THNSL2: variants seen among roughly 807,000 people sequenced by gnomAD.
THNSL2 encodes threonine synthase like 2.
In THNSL2, 34 loss-of-function variants were observed where a neutral mutation model predicts 40.0. The observed-to-expected ratio is 0.85, with a 90% CI of 0.65 to 1.13. The LOEUF is 1.13. Ranked by LOEUF, THNSL2 falls within the 50% of genes most tolerant of loss-of-function variation. THNSL2 has a pLI of 0.00. For synonymous variants in THNSL2, 241 were observed against 247.5 expected, an observed-to-expected ratio of 0.97 and a Z score of 0.25; for missense variants, 537 against 608.8, an observed-to-expected ratio of 0.88 and a Z score of 1.24.
intron 4 of THNSL2, chr2:88,176,993 C>T (rs1487769263): frequency 6.6e-6 from 1 of 152,204 alleles, no homozygotes; most frequent in Non-Finnish European, 1.5e-5. Flanking sequence ...TCTGTCCTGC[C>T]TCCTACTCCC....
At chr2:88,185,295 C>G (rs201472359) in intron 7 of THNSL2, 33 bp from the exon 8 acceptor site, 83 of 1,594,552 alleles carry the variant, frequency 5.2e-5, no homozygotes, top group East Asian at 3.8e-4. Flanking sequence ...ATCCCCCCCC[C>G]ACACCTCATC....
At chr2:88,174,947 G>C (rs1676754105) in intron 3 of THNSL2, 114 bp downstream of exon 3, 6 of 1,270,520 alleles carry the variant, frequency 4.7e-6, no homozygotes, top group South Asian at 2.9e-5. Context: ...TTCTTCCAGA[G>C]CAAGGTTCCT....
intron 7 of THNSL2, among the ~76,000 whole-genome samples, chr2:88,184,098 G>T (rs2104277214): frequency 6.6e-6 from 1 of 152,314 alleles, no homozygotes; most frequent in Admixed American, 6.5e-5. Flanking sequence ...TGTTTTCAAA[G>T]TTGGATGCAG....
chr2:88,173,066 G>T, intron 1 of THNSL2, 73 bp from the exon 2 acceptor site: 1 of 1,045,976 alleles, frequency 9.6e-7, no homozygotes, highest in Non-Finnish European at 1.4e-6. Context: ...GTGAGACTGT[G>T]TGTGCTTTGG....
intron 5 of THNSL2, among the ~76,000 whole-genome samples, chr2:88,180,680 ATATG>A (rs1468748847): frequency 1.3e-5 from 2 of 152,202 alleles, no homozygotes; most frequent in Non-Finnish European, 2.9e-5. Context: ...CGAAAGCACC[ATATG>A]TAAAACCTTC....
chr2:88,170,724 G>A (rs996553485), intron 1 of THNSL2, among the ~76,000 whole-genome samples: 1 of 152,116 alleles, frequency 6.6e-6, no homozygotes, highest in African/African-American at 2.4e-5. Context: ...TCAGGGGCTG[G>A]GAGTGGAATC....
intron 1 of THNSL2, 83 bp from the exon 2 acceptor site, chr2:88,173,054 CTG>C (rs1676522822): frequency 5.5e-6 from 5 of 911,698 alleles, no homozygotes; most frequent in Non-Finnish European, 6.6e-6. Flanking sequence ...TAGAGGCTAA[CTG>C]TGAGACTGTG....
At chr2:88,172,555 A>T (rs1676477130) in intron 1 of THNSL2, 3 of 151,810 alleles carry the variant, frequency 2.0e-5, no homozygotes, top group African/African-American at 7.3e-5. Flanking sequence ...TGCACGTTAG[A>T]CTCTCTTGAG....
chr2:88,173,682 G>A (rs572275311), intron 2 of THNSL2, among the ~76,000 whole-genome samples: 1 of 150,812 alleles, frequency 6.6e-6, no homozygotes, highest in African/African-American at 2.4e-5. Flanking sequence ...CATCTTGAGT[G>A]ACTTGAATGT....
chr2:88,182,602 G>T, intron 5 of THNSL2, 97 bp from the exon 6 acceptor site: 4 of 1,365,688 alleles, frequency 2.9e-6, no homozygotes, highest in Non-Finnish European at 3.9e-6. Context: ...GCTTCAAAAA[G>T]CACAAAAGTT....
Position 88,185,426 on chromosome 2 carries a change from C to T in THNSL2, c.1176C>T (p.His392=), listed in dbSNP as rs760818627. ...AGAACCAGTACTTGCTGTGCCCCCA[C>T]TCAGCGGTGGCCGTGAACTACCATT... ...WDENQYLLCP[H]SAVAVNYHYQ... The change falls in exon 8 of 9, where the codon CAC becomes CAT. Residue 392 remains histidine, a synonymous_variant. Transcript: ENST00000674334. 1 of 1,614,044 alleles carries T rather than the reference C, an allele frequency of 6.2e-7. No individual in the cohort carries two copies. The highest frequency in any genetic ancestry group is 1.7e-5 in the Admixed American group (1 of 60,004).
At chr2:88,181,625 A>G (rs892843218) in intron 5 of THNSL2, among the ~76,000 whole-genome samples, 11 of 147,872 alleles carry the variant, frequency 7.4e-5, no homozygotes, top group African/African-American at 2.8e-4. Context: ...AATGATTCAC[A>G]TACCATTCAC....
intron 7 of THNSL2, 81 bp from the exon 8 acceptor site, chr2:88,185,247 T>C (rs1401176418): frequency 6.5e-7 from 1 of 1,536,566 alleles, no homozygotes; most frequent in Admixed American, 1.9e-5. Flanking sequence ...TTTGTGTGGA[T>C]CTGTGGTGGA....
intron 1 of THNSL2, chr2:88,172,707 G>A (rs1440215810): frequency 1.3e-5 from 2 of 153,998 alleles, no homozygotes; most frequent in African/African-American, 4.8e-5. Flanking sequence ...AAGATGTTTG[G>A]TTTTTGAGCA....
rs1462571768 is a variant in THNSL2, at chr2:88,175,311, A to G, written c.481A>G (p.Ile161Val). Residue 161 changes from isoleucine to valine, a missense_variant, in exon 4 of 9, where the codon ATT becomes GTT. Physicochemically the swap from Ile to Val is conservative, Grantham distance 29. Coordinates refer to ENST00000674334, the MANE Select transcript of THNSL2 (RefSeq NM_018271.5). ...TGTTCAAGGGGCAAAGAACATGGACATTATCGTTCTGCTGCCCAAAGGTCA... is the reference window on the plus strand; with the variant it reads ...TGTTCAAGGGGCAAAGAACATGGACGTTATCGTTCTGCTGCCCAAAGGTCA... The part of the protein sequence containing the change: ...ESVQGAKNMD[I>V]IVLLPKGHCT... The G allele has an allele frequency of 6.2e-7, 1 of 1,614,210 alleles. No homozygotes were observed. The highest frequency in any genetic ancestry group is 8.5e-7 in the Non-Finnish European group (1 of 1,180,034).
chr2:88,172,901 C>G (rs1676510991), intron 1 of THNSL2: 5 of 347,302 alleles, frequency 1.4e-5, no homozygotes. Context: ...GATACCCTCT[C>G]CCTGAAGACA....
chr2:88,171,514 T>C, intron 1 of THNSL2: 1 of 335,934 alleles, frequency 3.0e-6, no homozygotes, highest in South Asian at 2.2e-5. Context: ...ACTCCTGCGA[T>C]GGTTTCTTTG....
chr2:88,174,839 T>C lies in THNSL2; in HGVS notation c.418+6T>C. 6.2e-7 allele frequency: 1 copy of C among 1,613,062 alleles called. No individual in the cohort carries two copies. Among genetic ancestry groups the C allele is most frequent in the Middle Eastern group, 1.7e-4 (1 of 6,044 alleles). Reference sequence around the variant, plus strand: ...GCACGTCACTGTGGTTGTAGGTGTGTTTTTGGGGCACAAACGCAGAATACC... The same window carrying C: ...GCACGTCACTGTGGTTGTAGGTGTGCTTTTGGGGCACAAACGCAGAATACC... On this transcript the variant is annotated splice_donor_region_variant and intron_variant, in intron 3 of 8. Coordinates refer to ENST00000674334, the MANE Select transcript of THNSL2 (RefSeq NM_018271.5).
At position 88,173,173 on chromosome 2, in the gene THNSL2, G is replaced by A. The variant is rs1179868471; in HGVS notation, c.23G>A (p.Gly8Asp). The stretch of plus-strand genomic sequence containing the variant: ...ATCATGTGGTATGTCAGCACCAGGG[G>A]CGTAGCCCCACGGGTCAACTTTGAG... MWYVSTR[G>D]VAPRVNFEGA... The change falls in exon 2 of 9, where the codon GGC (glycine) becomes GAC (aspartate). Residue 8 changes from glycine (G) to aspartate (D), a missense_variant. Gly to Asp is a moderately conservative substitution (Grantham distance 94, BLOSUM62 -1). Coordinates refer to ENST00000674334, the MANE Select transcript of THNSL2 (RefSeq NM_018271.5). 5.0e-6 allele frequency: 8 copies of A among 1,587,484 alleles called. No individual in the cohort carries two copies. The highest frequency in any genetic ancestry group is 6.9e-6 in the Non-Finnish European group (8 of 1,165,210).
Sources: allele counts gnomAD v4.1 joint callset (sites outside exome capture counted in the v4.1 genomes callset), GRCh38; gene constraint gnomAD v4.1.1; transcripts MANE v1.5; gene names NCBI Gene and HGNC (gene_info 2026-07-23, HGNC 2026-07-21).